ATG13: variants seen among roughly 807,000 people sequenced by gnomAD.
The protein encoded by ATG13 is autophagy related 13, also known as autophagy-related protein 13.
In ATG13, 23 loss-of-function variants were observed where a neutral mutation model predicts 65.5. The observed-to-expected ratio is 0.35, with a 90% CI of 0.25 to 0.50. The LOEUF (loss-of-function observed/expected upper bound fraction) is 0.50. Among genes scored for constraint, ATG13 ranks in the 20% least tolerant of loss-of-function variants. The pLI, the probability that ATG13 is intolerant of heterozygous loss-of-function variation, is 0.98. For synonymous variants in ATG13, 252 were observed against 245.2 expected, an observed-to-expected ratio of 1.03 and a Z score of -0.26; for missense variants, 566 against 677.0, an observed-to-expected ratio of 0.84 and a Z score of 1.82.
At chr11:46,660,192 T>C (rs530382382) in intron 11 of ATG13, among the ~76,000 whole-genome samples, 1 of 152,286 alleles carries the variant, frequency 6.6e-6, no homozygotes, top group Admixed American at 6.5e-5. Context: ...TCAGCTTCCT[T>C]GCCTCCAGAT....
intron 5 of ATG13, chr11:46,648,892 A>G: frequency 3.1e-6 from 1 of 326,956 alleles, no homozygotes; most frequent in South Asian, 8.4e-5. Flanking sequence ...AACCATTTTA[A>G]ATGATTTAGA....
chr11:46,622,061 A>G (rs1015268845), intron 1 of ATG13, among the ~76,000 whole-genome samples: 7 of 132,408 alleles, frequency 5.3e-5, no homozygotes, highest in African/African-American at 1.9e-4. Flanking sequence ...GCCACTTCAG[A>G]GATTTATTTA....
intron 11 of ATG13, among the ~76,000 whole-genome samples, chr11:46,662,639 T>A (rs1311880120): frequency 6.6e-6 from 1 of 152,212 alleles, no homozygotes; most frequent in Non-Finnish European, 1.5e-5. Context: ...CTGGTACAAT[T>A]TGGTACAAAA....
chr11:46,649,187 A>G lies in ATG13; in HGVS notation c.317+4A>G. On this transcript the variant is annotated splice_donor_region_variant and intron_variant, in intron 6 of 18. Coordinates refer to ENST00000683050, the MANE Select transcript of ATG13 (RefSeq NM_001346311.2). ...GGTGTCTTGAAATGAATGAAAAGTAAGTGCTGCGTCTTAGGGTCCTTGGTT... is the reference window on the plus strand; with the variant it reads ...GGTGTCTTGAAATGAATGAAAAGTAGGTGCTGCGTCTTAGGGTCCTTGGTT... The G allele has an allele frequency of 6.2e-7, 1 of 1,613,130 alleles. No individual in the cohort carries two copies. Among genetic ancestry groups the G allele is most frequent in the Non-Finnish European group, 8.5e-7 (1 of 1,179,398 alleles).
At chr11:46,650,700 G>A (rs2058715781) in intron 7 of ATG13, among the ~76,000 whole-genome samples, 1 of 152,158 alleles carries the variant, frequency 6.6e-6, no homozygotes, top group Admixed American at 6.5e-5. Context: ...CTGCCTCCCG[G>A]GTTCAAGTGA....
At chr11:46,633,847 T>C (rs1008552874) in intron 2 of ATG13, among the ~76,000 whole-genome samples, 1 of 152,158 alleles carries the variant, frequency 6.6e-6, no homozygotes, top group African/African-American at 2.4e-5. Flanking sequence ...AACAGTCTCT[T>C]TTAACTTGTG....
chr11:46,634,844 G>A (rs1036861854), intron 2 of ATG13, among the ~76,000 whole-genome samples: 4 of 151,966 alleles, frequency 2.6e-5, no homozygotes, highest in African/African-American at 9.7e-5. Flanking sequence ...TGGGACTACA[G>A]GTGTGTGCCA....
chr11:46,667,782 T>G lies in ATG13; in HGVS notation c.1146T>G (p.Thr382=). The G allele has an allele frequency of 6.2e-7, 1 of 1,603,296 alleles. No individual in the cohort carries two copies. Among genetic ancestry groups the G allele is most frequent in the Non-Finnish European group, 8.5e-7 (1 of 1,170,982 alleles). ...CACCTTTCTCCTCCAGTGAGGATACTGAAACCGTATCAAACAGCAGTGAGG... is the reference window on the plus strand; with the variant it reads ...CACCTTTCTCCTCCAGTGAGGATACGGAAACCGTATCAAACAGCAGTGAGG... The part of the protein sequence containing the change: ...CAATPSSSED[T]ETVSNSSEGR... The change falls in exon 15 of 19, where the codon ACT becomes ACG. Residue 382 remains threonine, a synonymous_variant. Coordinates refer to ENST00000683050, the MANE Select transcript of ATG13 (RefSeq NM_001346311.2).
chr11:46,672,247 C>T lies in ATG13; in HGVS notation c.1576-8C>T, dbSNP rs369637365. 26 of 1,613,960 alleles carry T rather than the reference C, an allele frequency of 1.6e-5. No homozygotes were observed. Among genetic ancestry groups the T allele is most frequent in the Non-Finnish European group, 1.9e-5 (23 of 1,179,946 alleles). The stretch of plus-strand genomic sequence containing the variant: ...AATAAACGGCTCTTCCCTCTCTTTC[C>T]GGTACAGGACTCATTACCAGAGAAG... On this transcript the variant is annotated splice_region_variant and splice_polypyrimidine_tract_variant and intron_variant, in intron 18 of 18. Coordinates refer to ENST00000683050, the MANE Select transcript of ATG13 (RefSeq NM_001346311.2).
chr11:46,669,346 T>C, intron 17 of ATG13, 58 bp from the exon 18 acceptor site: 1 of 1,596,384 alleles, frequency 6.3e-7, no homozygotes, highest in East Asian at 2.2e-5. Flanking sequence ...GACTTGTTCA[T>C]AGCTTATCTC....
rs148364438 is a variant in ATG13, at chr11:46,618,579, C to T, written c.-70+689C>T. Among the ~76,000 whole-genome samples, 575 of 152,332 alleles carry T rather than the reference C, an allele frequency of 3.8e-3. 4 individuals carry two copies. Among genetic ancestry groups the T allele is most frequent in the Non-Finnish European group, 6.1e-3 (413 of 68,034 alleles). On this transcript the variant is annotated intron_variant, in intron 1 of 18. Coordinates refer to ENST00000683050, the MANE Select transcript of ATG13 (RefSeq NM_001346311.2). ...TCATTACACTTAGTTTAAAACTCATCTCCTAAGGTGATAGAATTTATTGGA... is the reference window on the plus strand; with the variant it reads ...TCATTACACTTAGTTTAAAACTCATTTCCTAAGGTGATAGAATTTATTGGA...
At chr11:46,653,727 G>A (rs951656424) in intron 7 of ATG13, among the ~76,000 whole-genome samples, 23 of 151,712 alleles carry the variant, frequency 1.5e-4, no homozygotes, top group African/African-American at 4.8e-4. Context: ...CCGCCACCAC[G>A]CCCGGCTAAT....
At chr11:46,638,326 A>G (rs1357556640) in intron 2 of ATG13, among the ~76,000 whole-genome samples, 1 of 152,118 alleles carries the variant, frequency 6.6e-6, no homozygotes, top group Non-Finnish European at 1.5e-5. Flanking sequence ...AATCCCAGCT[A>G]CTCAGGGAGG....
At chr11:46,624,660 AG>A (rs1476534399) in intron 1 of ATG13, among the ~76,000 whole-genome samples, 2 of 152,168 alleles carry the variant, frequency 1.3e-5, no homozygotes, top group Non-Finnish European at 2.9e-5. Flanking sequence ...TCACATCAGA[AG>A]GGATGTGAAG....
rs988757374 is a variant in ATG13, at chr11:46,657,567, C to G, written c.640C>G (p.His214Asp). The G allele has an allele frequency of 6.2e-7, 1 of 1,613,856 alleles. No homozygotes were observed. Among genetic ancestry groups the G allele is most frequent in the Non-Finnish European group, 8.5e-7 (1 of 1,179,928 alleles). The change falls in exon 10 of 19, where the codon CAC (histidine) becomes GAC (aspartate). Residue 214 changes from histidine to aspartate, a missense_variant. By Grantham distance (81) the His-to-Asp change is moderately conservative. Around this residue, in one of 2 missense-constraint regions of ATG13, gnomAD observed 179 missense variants for 267.2 expected, o/e 0.67. Transcript: ENST00000683050. The stretch of plus-strand genomic sequence containing the variant: ...ACCTATCATGGGGATTATTATTGAT[C>G]ACTTTGTGGACCGTCCCTATCCCAG... Reference protein sequence around the residue: ...TPPIMGIIIDHFVDRPYPSSS... With the variant: ...TPPIMGIIIDDFVDRPYPSSS...
In ATG13 at chr11:46,653,568, T is replaced by TC. The variant is rs1484304139; in HGVS notation, c.459-2665_459-2664insC. 1.3e-4 allele frequency among the ~76,000 whole-genome samples: 19 copies of TC among 145,432 alleles called. No homozygotes were observed. In the East Asian group the frequency reaches 3.1e-3, roughly 24 times the overall value. On this transcript the variant is annotated intron_variant, in intron 7 of 18. Transcript: ENST00000683050. Reference sequence around the variant, plus strand: ...CCTAACATCTAACCATGAAGCTTCTTTTTTTTTTTTTTGTTTTTTGAGACG... The same window carrying TC: ...CCTAACATCTAACCATGAAGCTTCTTCTTTTTTTTTTTTGTTTTTTGAGACG...
intron 2 of ATG13, among the ~76,000 whole-genome samples, chr11:46,636,557 CAA>C (rs374517009): frequency 6.8e-4 from 32 of 47,276 alleles, no homozygotes; most frequent in African/African-American, 1.7e-3. Context: ...GACTCCGTCT[CAA>C]AAAAAAAAAA....
At chr11:46,665,118 A>G (rs529235878) in intron 13 of ATG13, among the ~76,000 whole-genome samples, 159 bp downstream of exon 13, 8 of 152,328 alleles carry the variant, frequency 5.3e-5, no homozygotes, top group Non-Finnish European at 1.2e-4. Context: ...CTCGAGAGGA[A>G]GGAGCCTCTT....
At position 46,674,372 on chromosome 11, in the gene ATG13, C is replaced by T. The variant is rs139180011; in HGVS notation, c.*2040C>T. 1.2e-4 allele frequency: 18 copies of T among 152,416 alleles called. 1 individual carries two copies. The highest frequency in any genetic ancestry group is 9.6e-4 in the East Asian group (5 of 5,182). The allele number at this position is 152,416 out of a possible 1,614,324, so 9.4% of individuals were successfully genotyped here. ...CCTAGACTGACTCCTGCAGCACCCC[C>T]GGGACAGGCTGGGACCAGCTGTTTG... On this transcript the variant is annotated 3_prime_UTR_variant, in exon 19 of 19. Coordinates refer to ENST00000683050, the MANE Select transcript of ATG13 (RefSeq NM_001346311.2).
Sources: gnomAD v4.1 joint callset for allele counts (sites outside exome capture counted in the v4.1 genomes callset) on GRCh38, gnomAD v4.1.1 for gene constraint, gnomAD v4.1.1 regional missense constraint, MANE v1.5 for transcripts, NCBI Gene and HGNC (gene_info 2026-07-23, HGNC 2026-07-21) for gene names.